Variants in PRKG1 observed in about 807,000 individuals in gnomAD.
PRKG1 encodes cGMP-dependent protein kinase 1.
Under a neutral mutation model 88.1 loss-of-function variants are expected in PRKG1, and 35 were observed. The ratio of observed to expected loss-of-function variants is 0.40; its 90% CI spans 0.30 to 0.53. The LOEUF (loss-of-function observed/expected upper bound fraction) is 0.53, where lower values mean the gene tolerates loss of function less well. Ranked by LOEUF, PRKG1 falls within the 20% of genes least tolerant of loss-of-function variation. The probability of loss-of-function intolerance (pLI) is 0.59; values close to 1 mark genes in which losing one functional copy is unlikely to be tolerated. For synonymous variants in PRKG1, 303 were observed against 292.5 expected (o/e 1.04, Z -0.37); for missense variants, 540 against 839.8 (o/e 0.64, Z 4.41).
At chr10:51,169,374 G>A (rs974326178) in intron 2 of PRKG1, among the ~76,000 whole-genome samples, 5 of 152,024 alleles carry the variant, frequency 3.3e-5, no homozygotes, top group Non-Finnish European at 7.4e-5. Flanking sequence ...TATTTCTCTT[G>A]TGATGCATTT....
intron 6 of PRKG1, among the ~76,000 whole-genome samples, chr10:52,057,036 T>A (rs1846127478): frequency 6.6e-6 from 1 of 152,142 alleles, no homozygotes. Context: ...GGTGTACAGA[T>A]GTCAACTTGT....
chr10:51,013,790 A>C (rs1454080720), intron 1 of PRKG1, among the ~76,000 whole-genome samples: 1 of 152,260 alleles, frequency 6.6e-6, no homozygotes, highest in Non-Finnish European at 1.5e-5. Flanking sequence ...CAGCAAAACA[A>C]GTTAAGTTAT....
At chr10:51,366,558 A>G (rs1355577542) in intron 2 of PRKG1, among the ~76,000 whole-genome samples, 1 of 151,940 alleles carries the variant, frequency 6.6e-6, no homozygotes, top group Non-Finnish European at 1.5e-5. Flanking sequence ...CTATCTGTAA[A>G]TACAGTTATC....
intron 2 of PRKG1, among the ~76,000 whole-genome samples, chr10:51,235,344 G>A (rs998013838): frequency 1.3e-5 from 2 of 152,142 alleles, no homozygotes; most frequent in Non-Finnish European, 2.9e-5. Flanking sequence ...TATTTATAGA[G>A]CCCCGTTAGG....
intron 9 of PRKG1, among the ~76,000 whole-genome samples, chr10:52,203,514 T>C (rs1220036361): frequency 1.3e-5 from 2 of 152,218 alleles, no homozygotes; most frequent in Non-Finnish European, 2.9e-5. Flanking sequence ...AAGTGTTCTA[T>C]AGGTAGATGT....
chr10:51,659,118 A>G (rs1179414616), intron 3 of PRKG1, among the ~76,000 whole-genome samples: 1 of 152,148 alleles, frequency 6.6e-6, no homozygotes, highest in Non-Finnish European at 1.5e-5. Flanking sequence ...TCAGTAAAAC[A>G]TGAGGCAAAG....
At position 51,770,638 on chromosome 10, in the gene PRKG1, A is replaced by G. The variant is rs537403659; in HGVS notation, c.593-33947A>G. On this transcript the variant is annotated intron_variant, in intron 3 of 17. Coordinates refer to ENST00000373980, the MANE Select transcript of PRKG1 (RefSeq NM_006258.4). ...ATCAGCGGAAGCATTAGATTCTCATAGGAGTGCAAATCCTATTGTGAACTG... is the reference window on the plus strand; with the variant it reads ...ATCAGCGGAAGCATTAGATTCTCATGGGAGTGCAAATCCTATTGTGAACTG... 5.9e-5 allele frequency among the ~76,000 whole-genome samples: 9 copies of G among 152,284 alleles called. No homozygotes were observed. In the East Asian group the frequency reaches 1.5e-3, roughly 26 times the overall value.
intron 3 of PRKG1, among the ~76,000 whole-genome samples, chr10:51,707,931 A>T (rs1479408703): frequency 6.6e-6 from 1 of 152,182 alleles, no homozygotes; most frequent in Non-Finnish European, 1.5e-5. Flanking sequence ...CCTAAAATCT[A>T]ATGTTTATAG....
chr10:51,511,460 A>G (rs1294597484), intron 3 of PRKG1, among the ~76,000 whole-genome samples: 1 of 152,210 alleles, frequency 6.6e-6, no homozygotes, highest in African/African-American at 2.4e-5. Context: ...AGGATCATAT[A>G]CAGAATATTT....
rs558775437 is a variant in PRKG1, at chr10:51,168,617, A to G, written c.478+15287A>G. ...TTTGAGAACCATGGCCTTAAGCCAT[A>G]TGACTTGAGGGCATATATGACCATG... is the stretch of plus-strand genomic sequence containing the variant. On this transcript the variant is annotated intron_variant, in intron 2 of 17. Transcript: ENST00000373980. Among the ~76,000 whole-genome samples the G allele has an allele frequency of 1.2e-4, 18 of 152,290 alleles. No homozygotes were observed. The South Asian group carries it at 3.7e-3, about 32-fold the overall frequency.
chr10:52,213,614 A>G (rs1840038150), intron 9 of PRKG1, among the ~76,000 whole-genome samples: 1 of 152,350 alleles, frequency 6.6e-6, no homozygotes, highest in Admixed American at 6.5e-5. Flanking sequence ...GATTGGGAGC[A>G]GGAAGCTGGG....
chr10:51,896,964 G>A (rs1841866080), intron 4 of PRKG1, among the ~76,000 whole-genome samples: 3 of 152,108 alleles, frequency 2.0e-5, no homozygotes, highest in Admixed American at 2.0e-4. Flanking sequence ...TGTGGCCATT[G>A]CGTGATAAGG....
chr10:51,192,605 C>T (rs1270248568), intron 2 of PRKG1, among the ~76,000 whole-genome samples: 6 of 151,868 alleles, frequency 4.0e-5, no homozygotes, highest in East Asian at 1.9e-4. Flanking sequence ...CTGATTAAAA[C>T]ATTTTTATTG....
At chr10:52,017,950 T>A (rs1845083979) in intron 5 of PRKG1, among the ~76,000 whole-genome samples, 1 of 152,216 alleles carries the variant, frequency 6.6e-6, no homozygotes, top group South Asian at 2.1e-4. Flanking sequence ...AACAACCCTA[T>A]AAACTACAAT....
intron 2 of PRKG1, among the ~76,000 whole-genome samples, chr10:51,409,228 G>C (rs545844259): frequency 1.4e-4 from 21 of 152,120 alleles, no homozygotes; most frequent in Non-Finnish European, 2.8e-4. Context: ...CCAGGCCCTA[G>C]TCTTGTCTTC....
intron 1 of PRKG1, among the ~76,000 whole-genome samples, chr10:50,998,118 G>T (rs1359674425): frequency 6.6e-6 from 1 of 152,160 alleles, no homozygotes; most frequent in Non-Finnish European, 1.5e-5. Context: ...CCGGAAAAAG[G>T]TACTGGATTC....
chr10:51,100,615 T>A (rs1293245219), intron 1 of PRKG1, among the ~76,000 whole-genome samples: 1 of 152,180 alleles, frequency 6.6e-6, no homozygotes, highest in African/African-American at 2.4e-5. Context: ...ATATCTATCT[T>A]ATCAAATAAA....
intron 2 of PRKG1, among the ~76,000 whole-genome samples, chr10:51,211,389 C>A (rs1237433603): frequency 6.6e-6 from 1 of 152,120 alleles, no homozygotes; most frequent in South Asian, 2.1e-4. Context: ...GGAAGCATTC[C>A]GTTTGAAAAC....
At chr10:52,083,182 T>C (rs1029387448) in intron 7 of PRKG1, among the ~76,000 whole-genome samples, 1 of 152,110 alleles carries the variant, frequency 6.6e-6, no homozygotes, top group Admixed American at 6.6e-5. Context: ...AATAAATTCA[T>C]TCTAATTTAC....
Sources: gnomAD v4.1 joint callset for allele counts (sites outside exome capture counted in the v4.1 genomes callset) on GRCh38, gnomAD v4.1.1 for gene constraint, MANE v1.5 for transcripts, NCBI Gene and HGNC (gene_info 2026-07-23, HGNC 2026-07-21) for gene names.